Variants in TANC1 observed in about 807,000 individuals in gnomAD.
The protein encoded by TANC1 is protein TANC1.
TANC1 carries 77 observed loss-of-function variants against 149.7 expected under a neutral mutation model. The observed-to-expected ratio is 0.51, with a 90% CI of 0.43 to 0.62. TANC1 has a LOEUF of 0.62. TANC1 is among the 20% of genes least tolerant of loss of function. TANC1 has a pLI of 0.00. For synonymous variants in TANC1, 854 were observed against 925.0 expected (o/e 0.92, Z 1.39); for missense variants, 1,985 against 2,321.8 (o/e 0.85, Z 2.98).
At chr2:158,999,197 A>G (rs1300837243) in intron 1 of TANC1, among the ~76,000 whole-genome samples, 5 of 152,124 alleles carry the variant, frequency 3.3e-5, no homozygotes, top group African/African-American at 1.2e-4. Context: ...GGTGTGCACA[A>G]AGCTTTCATC....
intron 2 of TANC1, among the ~76,000 whole-genome samples, chr2:159,044,489 C>A (rs191242713): frequency 6.6e-6 from 1 of 152,106 alleles, no homozygotes; most frequent in Non-Finnish European, 1.5e-5. Flanking sequence ...TGTATATGAT[C>A]TATGTTCTAG....
At chr2:158,973,298 G>A (rs2033166168) in intron 1 of TANC1, among the ~76,000 whole-genome samples, 1 of 152,092 alleles carries the variant, frequency 6.6e-6, no homozygotes, top group African/African-American at 2.4e-5. Context: ...CCCCACCTCA[G>A]CACACCTAGG....
chr2:159,113,265 C>T (rs1320506425), intron 4 of TANC1, among the ~76,000 whole-genome samples: 1 of 152,180 alleles, frequency 6.6e-6, no homozygotes, highest in East Asian at 1.9e-4. Flanking sequence ...ATCTTAGCTG[C>T]ATTAGATGAT....
chr2:159,163,156 C>G, intron 7 of TANC1, 127 bp from the exon 8 acceptor site: 1 of 941,224 alleles, frequency 1.1e-6, no homozygotes, highest in Non-Finnish European at 1.6e-6. Context: ...ATGGAACATA[C>G]TTTGATAAAA....
intron 8 of TANC1, among the ~76,000 whole-genome samples, chr2:159,163,764 C>G (rs755200345): frequency 1.3e-5 from 2 of 152,000 alleles, no homozygotes; most frequent in Non-Finnish European, 2.9e-5. Context: ...TTCTTTAAAT[C>G]GATTATTTGG....
At chr2:159,088,305 T>C (rs1284087155) in intron 3 of TANC1, among the ~76,000 whole-genome samples, 3 of 152,180 alleles carry the variant, frequency 2.0e-5, no homozygotes, top group African/African-American at 7.2e-5. Context: ...AAAATTACTT[T>C]ATCTTGTCCT....
chr2:159,205,256 C>T (rs181707404), intron 19 of TANC1, among the ~76,000 whole-genome samples: 137 of 152,340 alleles, frequency 9.0e-4, no homozygotes, highest in African/African-American at 3.1e-3. Context: ...TCCAAGGCTG[C>T]CCCAGAGCAC....
chr2:159,016,125 A>G (rs2038242920), intron 2 of TANC1, among the ~76,000 whole-genome samples: 1 of 152,236 alleles, frequency 6.6e-6, no homozygotes, highest in Non-Finnish European at 1.5e-5. Flanking sequence ...AAAGAAAGAG[A>G]TTTAATTGGA....
At chr2:159,105,602 A>G (rs948153842) in intron 4 of TANC1, among the ~76,000 whole-genome samples, 2 of 152,192 alleles carry the variant, frequency 1.3e-5, no homozygotes, top group African/African-American at 4.8e-5. Context: ...TACCCCGCAA[A>G]AGACAACCAC....
chr2:158,989,413 C>A (rs531266729), intron 1 of TANC1, among the ~76,000 whole-genome samples: 1 of 151,832 alleles, frequency 6.6e-6, no homozygotes, highest in East Asian at 1.9e-4. Flanking sequence ...TGAGAGCAGC[C>A]TGGCAACGTA....
intron 3 of TANC1, among the ~76,000 whole-genome samples, chr2:159,080,198 G>A (rs1297669419): frequency 6.6e-6 from 1 of 152,218 alleles, no homozygotes; most frequent in East Asian, 1.9e-4. Context: ...AGAGCCTGGG[G>A]AGGGTGTTAC....
rs73969434 is a variant in TANC1 at position 159,092,498 on chromosome 2, A to C, written c.62-5139A>C. Among the ~76,000 whole-genome samples the C allele has an allele frequency of 7.0e-3, 1,065 of 152,350 alleles. 8 individuals are homozygous for C. Among genetic ancestry groups the C allele is most frequent in the African/African-American group, 0.024 (993 of 41,576 alleles). On this transcript the variant is annotated intron_variant, in intron 3 of 26. Transcript: ENST00000263635. Reference sequence around the variant, plus strand: ...TGGTAAAAACATTTTAAAATAAAGAACTGTTATCAAAAGCCATTTCTGCCA... The same window carrying C: ...TGGTAAAAACATTTTAAAATAAAGACCTGTTATCAAAAGCCATTTCTGCCA...
chr2:159,022,665 G>A lies in TANC1; in HGVS notation c.-16+21476G>A, dbSNP rs539678915. Among the ~76,000 whole-genome samples, 3 of 152,258 alleles carry A rather than the reference G, an allele frequency of 2.0e-5. No individual in the cohort carries two copies. In the South Asian group the frequency reaches 6.2e-4, roughly 32 times the overall value. On this transcript the variant is annotated intron_variant, in intron 2 of 26. Transcript: ENST00000263635. ...AGGCAGGAGAATCGCTTGAACCCAG[G>A]AGGTGAAGGTTGCAGTGAGCTGAGA...
rs112981599 is a variant in TANC1, at chr2:159,117,030, G to A, written c.260-19164G>A. 9.6e-3 allele frequency among the ~76,000 whole-genome samples: 1,464 copies of A among 152,292 alleles called. 18 individuals carry two copies. The highest frequency in any genetic ancestry group is 0.033 in the African/African-American group (1,380 of 41,552). Reference sequence around the variant, plus strand: ...ACTCTCGAAAGGTGCAGATGGCACAGGAGCCCTCACACTCTGCCTTTCCAC... The same window carrying A: ...ACTCTCGAAAGGTGCAGATGGCACAAGAGCCCTCACACTCTGCCTTTCCAC... On this transcript the variant is annotated intron_variant, in intron 4 of 26. Transcript: ENST00000263635.
intron 1 of TANC1, among the ~76,000 whole-genome samples, chr2:159,000,265 G>A (rs958482965): frequency 6.6e-6 from 1 of 152,092 alleles, no homozygotes; most frequent in Non-Finnish European, 1.5e-5. Flanking sequence ...AGGAAAAGCC[G>A]AGGCAGGTGC....
chr2:158,992,669 A>ATTTTTTTTTTTTTTTTTTTT (rs70994251), intron 1 of TANC1, among the ~76,000 whole-genome samples: 1 of 112,484 alleles, frequency 8.9e-6, no homozygotes, highest in African/African-American at 3.5e-5. Context: ...TGCCCAGCTA[A>ATTTTTTTTTTTTTTTTTTTT]TTTTTTTTTT....
At chr2:159,087,457 T>C (rs980306163) in intron 3 of TANC1, among the ~76,000 whole-genome samples, 2 of 98,078 alleles carry the variant, frequency 2.0e-5, no homozygotes, top group Non-Finnish European at 4.2e-5. Flanking sequence ...GTTGCTTTTT[T>C]TGTTTTTCCG....
At chr2:158,992,589 G>A (rs1446541538) in intron 1 of TANC1, among the ~76,000 whole-genome samples, 3 of 151,650 alleles carry the variant, frequency 2.0e-5, no homozygotes, top group African/African-American at 7.3e-5. Context: ...TACAAGTTCT[G>A]CCTCCAGGGT....
At chr2:159,186,874 T>C (rs1346086012) in intron 15 of TANC1, 28 bp from the exon 16 acceptor site, 3 of 1,613,856 alleles carry the variant, frequency 1.9e-6, no homozygotes, top group Non-Finnish European at 2.5e-6. Flanking sequence ...CTCTGATTGT[T>C]TCCAAGATCT....
Sources: gnomAD v4.1 joint callset for allele counts (sites outside exome capture counted in the v4.1 genomes callset) on GRCh38, gnomAD v4.1.1 for gene constraint, MANE v1.5 for transcripts, NCBI Gene and HGNC (gene_info 2026-07-23, HGNC 2026-07-21) for gene names.